CCDC7: variants seen among roughly 807,000 people sequenced by gnomAD.
The protein encoded by CCDC7 is coiled-coil domain-containing protein 7.
A neutral mutation model predicts 196.9 loss-of-function variants in CCDC7; 183 were observed. The observed-to-expected ratio is 0.93, with a 90% CI of 0.82 to 1.05. The LOEUF (loss-of-function observed/expected upper bound fraction) is 1.05, where lower values mean the gene tolerates loss of function less well. Ranked by LOEUF, CCDC7 falls within the 50% of genes least tolerant of loss-of-function variation. The probability of loss-of-function intolerance (pLI) is 0.00; values close to 1 mark genes in which losing one functional copy is unlikely to be tolerated. For synonymous variants in CCDC7, 525 were observed against 484.6 expected (o/e 1.08, Z -1.10); for missense variants, 1,540 against 1,482.2 (o/e 1.04, Z -0.64).
At chr10:32,581,391 T>G (rs2058715156) in intron 16 of CCDC7, among the ~76,000 whole-genome samples, 1 of 152,114 alleles carries the variant, frequency 6.6e-6, no homozygotes, top group Non-Finnish European at 1.5e-5. Flanking sequence ...CCTTCTATAG[T>G]CATCATTGCT....
At chr10:32,646,162 A>G (rs1273449472) in intron 20 of CCDC7, among the ~76,000 whole-genome samples, 1 of 140,942 alleles carries the variant, frequency 7.1e-6, no homozygotes, top group Non-Finnish European at 1.6e-5. Flanking sequence ...GTAGGTGTTT[A>G]TTGCTATAAA....
At chr10:32,447,832 G>GTT (rs1014169691), upstream of CCDC7, among the ~76,000 whole-genome samples, 3 of 152,108 alleles carry the variant, frequency 2.0e-5, no homozygotes, top group African/African-American at 7.2e-5. Flanking sequence ...AACCTGGGAG[G>GTT]CAAAGTTTGC....
At position 32,727,549 on chromosome 10, in the gene CCDC7, G is replaced by A. The variant is rs558997318; in HGVS notation, c.2668+717G>A. On this transcript the variant is annotated intron_variant, in intron 26 of 41. Coordinates refer to ENST00000639629, the Ensembl canonical transcript of CCDC7. ...TAGGGTCTTCAATGTGCTGACCCTA[G>A]TAGGGCCCATCAACTTCACTGTTTA... Among the ~76,000 whole-genome samples the A allele has an allele frequency of 2.0e-5, 3 of 152,184 alleles. 1 individual carries two copies. The highest frequency in any genetic ancestry group is 1.9e-4 in the East Asian group (1 of 5,170).
intron 41 of CCDC7, among the ~76,000 whole-genome samples, chr10:32,873,742 C>T (rs928259917): frequency 2.0e-5 from 3 of 151,702 alleles, no homozygotes; most frequent in Non-Finnish European, 2.9e-5. Flanking sequence ...TGGATATATA[C>T]CTATTAGTGG....
chr10:32,805,933 G>A (rs1045675035), intron 30 of CCDC7, among the ~76,000 whole-genome samples: 1 of 152,140 alleles, frequency 6.6e-6, no homozygotes, highest in Admixed American at 6.5e-5. Flanking sequence ...TTTTACTCAC[G>A]GCAGAAAGTA....
At chr10:32,843,946 A>G (rs1282447045) in intron 33 of CCDC7, among the ~76,000 whole-genome samples, 2 of 151,966 alleles carry the variant, frequency 1.3e-5, no homozygotes, top group Non-Finnish European at 2.9e-5. Context: ...CACTGGTGGT[A>G]TATTTGGGCT....
intron 13 of CCDC7, among the ~76,000 whole-genome samples, chr10:32,555,567 G>A (rs2054220512): frequency 6.6e-6 from 1 of 151,990 alleles, no homozygotes; most frequent in Non-Finnish European, 1.5e-5. Context: ...TTAAGGAGAG[G>A]ACACATTCTG....
chr10:32,809,378 G>A (rs1169968002), intron 30 of CCDC7, among the ~76,000 whole-genome samples: 1 of 152,040 alleles, frequency 6.6e-6, no homozygotes, highest in Non-Finnish European at 1.5e-5. Context: ...TAAAGAGGTA[G>A]ATATCATTAA....
rs192699341 is a variant in CCDC7 at position 32,656,537 on chromosome 10, G to C, written c.2015-7517G>C. ...GAGAGAGAAGTGCCAATCAAAGGGG[G>C]AAAGCACCTCAGAAAACCATCAGAT... On this transcript the variant is annotated intron_variant, in intron 20 of 41. Transcript: ENST00000639629. Among the ~76,000 whole-genome samples the C allele has an allele frequency of 3.6e-4, 55 of 152,298 alleles. No individual in the cohort carries two copies. The East Asian group carries it at 0.01, about 28-fold the overall frequency.
intron 41 of CCDC7, among the ~76,000 whole-genome samples, chr10:32,869,411 G>C (rs2094339737): frequency 6.6e-6 from 1 of 151,696 alleles, no homozygotes; most frequent in South Asian, 2.1e-4. Context: ...CTTTTTGATG[G>C]GGTTGTTTTT....
chr10:32,585,265 G>C (rs763926776), intron 18 of CCDC7, among the ~76,000 whole-genome samples: 4 of 152,064 alleles, frequency 2.6e-5, no homozygotes, highest in Non-Finnish European at 5.9e-5. Flanking sequence ...AGTAGAGATG[G>C]GGTTTCACCG....
chr10:32,621,727 C>T (rs1259530904), intron 18 of CCDC7, among the ~76,000 whole-genome samples: 1 of 152,102 alleles, frequency 6.6e-6, no homozygotes, highest in African/African-American at 2.4e-5. Context: ...GCTCCAATTC[C>T]AAGGGCAGGA....
chr10:32,862,705 A>G (rs2094049600), intron 41 of CCDC7, among the ~76,000 whole-genome samples: 1 of 152,100 alleles, frequency 6.6e-6, no homozygotes, highest in African/African-American at 2.4e-5. Flanking sequence ...AGGACAATCA[A>G]ACAAATTTGG....
At chr10:32,649,431 C>T (rs2068336300) in intron 20 of CCDC7, among the ~76,000 whole-genome samples, 1 of 152,208 alleles carries the variant, frequency 6.6e-6, no homozygotes. Flanking sequence ...CTGGCACCTT[C>T]TCTCTAGCTG....
chr10:32,677,794 C>T (rs768263535), intron 21 of CCDC7, among the ~76,000 whole-genome samples: 2 of 151,980 alleles, frequency 1.3e-5, no homozygotes, highest in Non-Finnish European at 2.9e-5. Flanking sequence ...TTAAATAAGC[C>T]TTCTGCCATT....
At chr10:32,451,607 T>G, upstream of CCDC7, 1 of 1,534,652 alleles carries the variant, frequency 6.5e-7, no homozygotes, top group Non-Finnish European at 8.7e-7. Context: ...AATAAGTTTT[T>G]TTCATCTGTA....
At chr10:32,700,614 G>T (rs1436813364) in intron 24 of CCDC7, among the ~76,000 whole-genome samples, 1 of 152,110 alleles carries the variant, frequency 6.6e-6, no homozygotes, top group Non-Finnish European at 1.5e-5. Flanking sequence ...AGCTAGATGG[G>T]GATGGCATTG....
intron 22 of CCDC7, among the ~76,000 whole-genome samples, chr10:32,882,379 G>C (rs963462261): frequency 6.6e-6 from 1 of 152,160 alleles, no homozygotes; most frequent in Non-Finnish European, 1.5e-5. Flanking sequence ...AACTGACTTA[G>C]TAGGATTTTT....
chr10:32,847,283 C>T (rs117590281), intron 37 of CCDC7, among the ~76,000 whole-genome samples: 5,375 of 152,166 alleles, frequency 0.035, 106 homozygotes, highest in Non-Finnish European at 0.05. Flanking sequence ...CTACAATATA[C>T]TACGGAAACT....
Sources: gnomAD v4.1 joint callset for allele counts (sites outside exome capture counted in the v4.1 genomes callset) on GRCh38, gnomAD v4.1.1 for gene constraint, MANE v1.5 for transcripts, NCBI Gene and HGNC (gene_info 2026-07-23, HGNC 2026-07-21) for gene names.